PTPRN2: variants seen among roughly 807,000 people sequenced by gnomAD.
The protein encoded by PTPRN2 is receptor-type tyrosine-protein phosphatase N2.
A neutral mutation model predicts 118.8 loss-of-function variants in PTPRN2; 74 were observed. The ratio of observed to expected loss-of-function variants is 0.62; its 90% confidence interval spans 0.52 to 0.76. PTPRN2 has a LOEUF of 0.76. Ranked by LOEUF, PTPRN2 falls within the 30% of genes least tolerant of loss-of-function variation. PTPRN2 has a pLI of 0.00. For missense variants in PTPRN2, 1,481 were observed against 1,394.4 expected, an observed-to-expected ratio of 1.06 and a Z score of -0.99; for synonymous variants, 641 against 608.0, an observed-to-expected ratio of 1.05 and a Z score of -0.80.
At chr7:157,892,283 A>G (rs1347445955) in intron 12 of PTPRN2, among the ~76,000 whole-genome samples, 1 of 152,162 alleles carries the variant, frequency 6.6e-6, no homozygotes, top group Non-Finnish European at 1.5e-5. Context: ...CCTTTATCCA[A>G]ATTATTTTTC....
chr7:158,087,661 T>G (rs532728663), intron 10 of PTPRN2, among the ~76,000 whole-genome samples: 4 of 145,942 alleles, frequency 2.7e-5, no homozygotes, highest in African/African-American at 1.1e-4. Context: ...CTTCCTCCCC[T>G]GATGAAGGAG....
intron 10 of PTPRN2, among the ~76,000 whole-genome samples, chr7:158,102,651 G>T (rs910563449): frequency 3.3e-5 from 5 of 152,206 alleles, no homozygotes; most frequent in Admixed American, 6.5e-5. Flanking sequence ...GGCAGAAGGG[G>T]GTGTGGGATG....
Position 157,763,010 on chromosome 7 carries a change from G to A in PTPRN2, c.1789-80073C>T, listed in dbSNP as rs1232876790. On this transcript the variant is annotated intron_variant, in intron 12 of 22. Coordinates refer to ENST00000389418, the MANE Select transcript of PTPRN2 (RefSeq NM_002847.5). The surrounding 1 kb of genome is among the most constrained non-coding windows in gnomAD (Gnocchi z 4.9). ...CGGTCACAGGGCTAACCCTCCATCA[G>A]AGCCCACAGCCGCCCACTCACAGTC... 6.6e-6 allele frequency among the ~76,000 whole-genome samples: 1 copy of A among 152,202 alleles called. No homozygotes were observed. The highest frequency in any genetic ancestry group is 2.4e-5 in the African/African-American group (1 of 41,458).
At chr7:157,833,049 G>A (rs1283998549) in intron 12 of PTPRN2, among the ~76,000 whole-genome samples, 3 of 151,576 alleles carry the variant, frequency 2.0e-5, no homozygotes, top group Admixed American at 1.3e-4. Context: ...TGGTAAACTC[G>A]TCCAGGAAGT....
chr7:157,603,947 G>A lies in PTPRN2; in HGVS notation c.2418+55C>T, dbSNP rs555067722. On this transcript the variant is annotated intron_variant, in intron 16 of 22. Coordinates refer to ENST00000389418, the MANE Select transcript of PTPRN2 (RefSeq NM_002847.5). This position sits in a 1 kb window ranked among gnomAD's most constrained non-coding sequence, Gnocchi z 5.4. ...CGAGAACCTTCCCACGTGATTTGCC[G>A]CGTCCGTGCCACCCAAGGGAAAGCC... 34 of 1,519,974 alleles carry A rather than the reference G, an allele frequency of 2.2e-5. No individual in the cohort carries two copies. In the East Asian group the frequency reaches 3.1e-4, roughly 14 times the overall value. The allele number at this position is 1,519,974 out of a possible 1,614,324, so 94.2% of individuals were successfully genotyped here. A position where few individuals can be genotyped will look rare whatever the true frequency, so the allele number is the denominator to read the frequency against.
chr7:157,876,202 C>G (rs1237844517), intron 12 of PTPRN2, among the ~76,000 whole-genome samples: 1 of 152,252 alleles, frequency 6.6e-6, no homozygotes, highest in Non-Finnish European at 1.5e-5. Flanking sequence ...GTGGGCTCAT[C>G]CAAGCCCTGT....
intron 4 of PTPRN2, among the ~76,000 whole-genome samples, chr7:158,203,953 C>G (rs971227026): frequency 6.6e-6 from 1 of 152,170 alleles, no homozygotes; most frequent in Non-Finnish European, 1.5e-5. Flanking sequence ...TCAGTGTGCG[C>G]CGCGTGCTGA....
intron 3 of PTPRN2, among the ~76,000 whole-genome samples, chr7:158,313,920 C>T (rs1802079824): frequency 1.3e-5 from 2 of 152,082 alleles, no homozygotes; most frequent in African/African-American, 4.8e-5. Flanking sequence ...TGAAACTCAC[C>T]TTAAATTTCT....
intron 5 of PTPRN2, among the ~76,000 whole-genome samples, chr7:158,182,977 T>A (rs1824841886): frequency 6.6e-6 from 1 of 152,238 alleles, no homozygotes; most frequent in Non-Finnish European, 1.5e-5. Context: ...AGCTCCAGCA[T>A]TTGGTGCATA....
At chr7:158,303,629 T>A (rs543554093) in intron 3 of PTPRN2, among the ~76,000 whole-genome samples, 1 of 152,322 alleles carries the variant, frequency 6.6e-6, no homozygotes, top group South Asian at 2.1e-4. Flanking sequence ...TGTTGGTATA[T>A]AAAACAAGCT....
At chr7:157,797,652 G>A (rs1027342429) in intron 12 of PTPRN2, among the ~76,000 whole-genome samples, 17 of 152,228 alleles carry the variant, frequency 1.1e-4, no homozygotes, top group Non-Finnish European at 2.1e-4. Flanking sequence ...CCAGAGAGCT[G>A]CCCTGCAGGC....
rs139377038 is a variant in PTPRN2 at position 158,324,630 on chromosome 7, T to A, written c.164-7698A>T. Among the ~76,000 whole-genome samples, 348 of 151,888 alleles carry A rather than the reference T, an allele frequency of 2.3e-3. 2 individuals are homozygous for A. Among genetic ancestry groups the A allele is most frequent in the African/African-American group, 7.8e-3 (323 of 41,426 alleles). On this transcript the variant is annotated intron_variant, in intron 2 of 22. Coordinates refer to ENST00000389418, the MANE Select transcript of PTPRN2 (RefSeq NM_002847.5). ...AGAGGGCCGATTGACCCCCAGCATT[T>A]CTATCCCCAGCTCCATAAGTGAAGC... is the stretch of plus-strand genomic sequence containing the variant.
chr7:158,327,010 TTC>T (rs1247126776), intron 2 of PTPRN2, among the ~76,000 whole-genome samples: 1 of 146,154 alleles, frequency 6.8e-6, no homozygotes, highest in Non-Finnish European at 1.5e-5. Context: ...CACACATGCA[TTC>T]TCACATATAT....
intron 2 of PTPRN2, among the ~76,000 whole-genome samples, chr7:158,387,332 G>A (rs1289927570): frequency 6.6e-6 from 1 of 152,196 alleles, no homozygotes; most frequent in Non-Finnish European, 1.5e-5. Context: ...GGTCAGGGAG[G>A]GCTCATCCTG....
In PTPRN2 at chr7:157,964,689, A is replaced by G; in HGVS notation, c.1724-65952T>C. Among the ~76,000 whole-genome samples the G allele has an allele frequency of 6.6e-6, 1 of 152,174 alleles. No homozygotes were observed. The highest frequency in any genetic ancestry group is 1.5e-5 in the Non-Finnish European group (1 of 68,028). ...GTGACCACCAGGGCCAACCTGAGGC[A>G]GCATCATGGACTTGACCGACTCACC... On this transcript the variant is annotated intron_variant, in intron 11 of 22. Transcript: ENST00000389418. This position sits in a 1 kb window ranked among gnomAD's most constrained non-coding sequence, Gnocchi z 9.0.
chr7:158,365,580 G>C (rs1429966263), intron 2 of PTPRN2, among the ~76,000 whole-genome samples: 1 of 152,142 alleles, frequency 6.6e-6, no homozygotes, highest in African/African-American at 2.4e-5. Flanking sequence ...GGCATGCGTG[G>C]AGTCTGCTCC....
intron 3 of PTPRN2, among the ~76,000 whole-genome samples, chr7:158,260,984 C>T (rs1454642668): frequency 1.3e-5 from 2 of 152,146 alleles, no homozygotes; most frequent in Non-Finnish European, 2.9e-5. Context: ...GTCAGCTCAG[C>T]CCTCAGAGCC....
At chr7:157,912,715 T>C (rs1798169029) in intron 11 of PTPRN2, among the ~76,000 whole-genome samples, 1 of 152,192 alleles carries the variant, frequency 6.6e-6, no homozygotes, top group Non-Finnish European at 1.5e-5. Context: ...TTTTTTCTCA[T>C]TGAATACCCC....
intron 12 of PTPRN2, among the ~76,000 whole-genome samples, chr7:157,748,296 G>GA (rs1339298778): frequency 3.0e-5 from 4 of 132,540 alleles, no homozygotes; most frequent in East Asian, 2.2e-4. Flanking sequence ...TGGGGTGTCT[G>GA]GGGGATTCTG....
Sources: allele counts gnomAD v4.1 joint callset (sites outside exome capture counted in the v4.1 genomes callset), GRCh38; gene constraint gnomAD v4.1.1; non-coding constraint Gnocchi (gnomAD v3.1); transcripts MANE v1.5; gene names NCBI Gene and HGNC (gene_info 2026-07-23, HGNC 2026-07-21).